FSTL4: variants seen among roughly 807,000 people sequenced by gnomAD.
The protein encoded by FSTL4 is follistatin-related protein 4.
FSTL4 carries 28 observed loss-of-function variants against 78.2 expected under a neutral mutation model. The ratio of observed to expected loss-of-function variants is 0.36; its 90% CI spans 0.27 to 0.49. FSTL4 has a LOEUF of 0.49. FSTL4 is among the 20% of genes least tolerant of loss of function. The pLI is 0.98. For missense variants in FSTL4, 922 were observed against 1,084.9 expected (o/e 0.85, Z 2.11); for synonymous variants, 422 against 440.5 (o/e 0.96, Z 0.53).
At chr5:133,779,602 A>C in the FSTL4 span, among the ~76,000 whole-genome samples, 1 of 152,104 alleles carries the variant, frequency 6.6e-6, no homozygotes, top group Non-Finnish European at 1.5e-5. Flanking sequence ...CAAAACAAAA[A>C]AAGAAACAAA....
intron 3 of FSTL4, among the ~76,000 whole-genome samples, chr5:133,490,521 A>G (rs1758246817): frequency 6.6e-6 from 1 of 152,218 alleles, no homozygotes; most frequent in African/African-American, 2.4e-5. Context: ...ACTGAAGGCT[A>G]TAACTTTTCC....
At chr5:133,328,118 G>C (rs1182970255) in intron 4 of FSTL4, among the ~76,000 whole-genome samples, 1 of 152,196 alleles carries the variant, frequency 6.6e-6, no homozygotes, top group Non-Finnish European at 1.5e-5. Context: ...CTTTTACCCA[G>C]GGTTAAACAC....
chr5:133,467,232 G>A (rs991702714), intron 3 of FSTL4, among the ~76,000 whole-genome samples: 29 of 150,890 alleles, frequency 1.9e-4, no homozygotes, highest in African/African-American at 6.6e-4. Context: ...GTGTATATGA[G>A]CATGTGTGAG....
At chr5:133,709,171 C>A in the FSTL4 span, among the ~76,000 whole-genome samples, 2 of 152,152 alleles carry the variant, frequency 1.3e-5, no homozygotes, top group African/African-American at 2.4e-5. Flanking sequence ...TTACAGACCA[C>A]CCCCGGGTCA....
At chr5:133,676,380 C>T in the FSTL4 span, among the ~76,000 whole-genome samples, 46 of 152,318 alleles carry the variant, frequency 3.0e-4, 1 homozygote, top group African/African-American at 1.1e-3. Context: ...GTTAAGAACA[C>T]TTTAAATTCC....
chr5:133,740,429 C>T, the FSTL4 span, among the ~76,000 whole-genome samples: 1 of 152,174 alleles, frequency 6.6e-6, no homozygotes, highest in Admixed American at 6.5e-5. Flanking sequence ...CCCATACCCC[C>T]AGCCTGGCCC....
At chr5:133,370,248 G>A (rs184322054) in intron 4 of FSTL4, among the ~76,000 whole-genome samples, 2 of 152,268 alleles carry the variant, frequency 1.3e-5, no homozygotes, top group Non-Finnish European at 2.9e-5. Context: ...TTGTCGCTGA[G>A]GAAATGACAA....
intron 13 of FSTL4, among the ~76,000 whole-genome samples, chr5:133,215,512 G>A (rs1324284452): frequency 2.0e-5 from 3 of 151,542 alleles, no homozygotes; most frequent in African/African-American, 7.3e-5. Flanking sequence ...TGCCTTGCCC[G>A]AAGTCTCTTC....
chr5:133,284,500 T>G (rs1279102172), intron 6 of FSTL4, among the ~76,000 whole-genome samples: 4 of 152,224 alleles, frequency 2.6e-5, no homozygotes, highest in Non-Finnish European at 5.9e-5. Context: ...CCTGCTGATG[T>G]GAGCAGTGCC....
At chr5:133,823,211 A>C in the FSTL4 span, among the ~76,000 whole-genome samples, 83 of 152,298 alleles carry the variant, frequency 5.4e-4, no homozygotes, top group African/African-American at 1.9e-3. Flanking sequence ...TGGGCCATTC[A>C]TAGGTCCCAA....
At chr5:133,242,033 C>A (rs1751889919) in intron 7 of FSTL4, among the ~76,000 whole-genome samples, 1 of 152,204 alleles carries the variant, frequency 6.6e-6, no homozygotes, top group African/African-American at 2.4e-5. Flanking sequence ...CTGGTGCAGC[C>A]ATTTTGGAGA....
intron 3 of FSTL4, among the ~76,000 whole-genome samples, chr5:133,403,902 C>T (rs139850346): frequency 1.3e-5 from 2 of 152,272 alleles, no homozygotes; most frequent in Non-Finnish European, 2.9e-5. Flanking sequence ...ACCTCTGAGG[C>T]CCAGCGTCAC....
intron 4 of FSTL4, among the ~76,000 whole-genome samples, chr5:133,356,301 G>A (rs947270767): frequency 1.3e-5 from 2 of 152,188 alleles, no homozygotes; most frequent in South Asian, 2.1e-4. Flanking sequence ...GCTTGTGGGC[G>A]CCAAGACAAA....
At chr5:133,592,488 T>C (rs1760653598) in intron 2 of FSTL4, among the ~76,000 whole-genome samples, 1 of 152,236 alleles carries the variant, frequency 6.6e-6, no homozygotes, top group Non-Finnish European at 1.5e-5. Flanking sequence ...CTAGTCAGCA[T>C]GGTCATAAAA....
At chr5:133,670,629 C>T in the FSTL4 span, among the ~76,000 whole-genome samples, 4 of 152,258 alleles carry the variant, frequency 2.6e-5, no homozygotes, top group African/African-American at 9.6e-5. Context: ...TATGCTGTCC[C>T]TGTCTCATCA....
chr5:133,685,279 C>A, the FSTL4 span, among the ~76,000 whole-genome samples: 1 of 152,194 alleles, frequency 6.6e-6, no homozygotes, highest in Non-Finnish European at 1.5e-5. Flanking sequence ...AGATGACAAA[C>A]CCTTCCCCAT....
chr5:133,655,978 G>A, the FSTL4 span, among the ~76,000 whole-genome samples: 1 of 152,194 alleles, frequency 6.6e-6, no homozygotes, highest in Non-Finnish European at 1.5e-5. Context: ...TTTTACTCCA[G>A]GCAATTTGTT....
chr5:133,356,935 C>T (rs1754955934), intron 4 of FSTL4, among the ~76,000 whole-genome samples: 1 of 152,212 alleles, frequency 6.6e-6, no homozygotes, highest in Admixed American at 6.5e-5. Context: ...TGGTAAAGGG[C>T]CATGCCACCC....
At position 133,225,719 on chromosome 5, in the gene FSTL4, G is replaced by C; in HGVS notation, c.1116C>G (p.Ile372Met). The part of the protein sequence containing the change: ...CHAEGIPMPR[I>M]TWLKNGVDVS... ...CATCCACGCCGTTTTTCAGCCAAGT[G>C]ATTCTGGGCATGGGAATGCCCTCAG... Residue 372 changes from isoleucine (I) to methionine (M), a missense_variant, in exon 9 of 16, where the codon ATC (isoleucine) becomes ATG (methionine). Physicochemically the swap from Ile to Met is conservative, Grantham distance 10. Transcript: ENST00000265342. The surrounding 1 kb of genome is among the most constrained non-coding windows in gnomAD (Gnocchi z 4.6). 2 of 1,612,522 alleles carry C rather than the reference G, an allele frequency of 1.2e-6. No homozygotes were observed. Among genetic ancestry groups the C allele is most frequent in the Non-Finnish European group, 1.7e-6 (2 of 1,179,336 alleles).
Sources: gnomAD v4.1 joint callset for allele counts (sites outside exome capture counted in the v4.1 genomes callset) on GRCh38, gnomAD v4.1.1 for gene constraint, Gnocchi (gnomAD v3.1) non-coding constraint, MANE v1.5 for transcripts, NCBI Gene and HGNC (gene_info 2026-07-23, HGNC 2026-07-21) for gene names.